Variants in DOK6 observed in about 807,000 individuals in gnomAD.
DOK6 encodes downstream of tyrosine kinase 6.
In DOK6, 22 loss-of-function variants were observed where a neutral mutation model predicts 44.0. The observed-to-expected ratio is 0.50, with a 90% confidence interval of 0.36 to 0.71. The LOEUF is 0.71. Among genes scored for constraint, DOK6 ranks in the 30% least tolerant of loss-of-function variants. The pLI, the probability that DOK6 is intolerant of heterozygous loss-of-function variation, is 0.00. For missense variants in DOK6, 340 were observed against 416.4 expected (o/e 0.82, Z 1.60); for synonymous variants, 166 against 145.5 (o/e 1.14, Z -1.01).
rs916560926 is a variant in DOK6, at chr18:69,845,259, T to G, written c.*3876T>G. ...GCACAATAAATGGGCAGTATACGTC[T>G]AATGGAACTGAGATTTAAGGCTTTA... is the stretch of plus-strand genomic sequence containing the variant. On this transcript the variant is annotated 3_prime_UTR_variant, in exon 8 of 8. Transcript: ENST00000382713. The G allele has an allele frequency of 3.3e-5, 5 of 152,226 alleles. No individual in the cohort carries two copies. The highest frequency in any genetic ancestry group is 1.2e-4 in the African/African-American group (5 of 41,456). 9.4% of individuals were successfully genotyped at this position (152,226 alleles called of 1,614,324 possible).
chr18:69,618,979 C>T (rs1436794261), intron 3 of DOK6, among the ~76,000 whole-genome samples: 1 of 152,040 alleles, frequency 6.6e-6, no homozygotes, highest in Non-Finnish European at 1.5e-5. Context: ...AACACACCCA[C>T]ACAACACAAA....
At position 69,705,494 on chromosome 18, in the gene DOK6, CACTT is replaced by C. The variant is rs555937876; in HGVS notation, c.599+6903_599+6906del. Among the ~76,000 whole-genome samples the C allele has an allele frequency of 3.9e-4, 60 of 152,226 alleles. No individual in the cohort carries two copies. In the East Asian group the frequency reaches 6.4e-3, roughly 16 times the overall value. ...GTCAGGTTTTTGTAGGAGCAGCACT[CACTT>C]AATTAGATAAAAATGACCCAGGGCA... is the stretch of plus-strand genomic sequence containing the variant. On this transcript the variant is annotated intron_variant, in intron 5 of 7. Coordinates refer to ENST00000382713, the MANE Select transcript of DOK6 (RefSeq NM_152721.6).
At chr18:69,402,750 ACGTGCGCTGC>A (rs1236757394) in intron 1 of DOK6, among the ~76,000 whole-genome samples, 21 of 152,248 alleles carry the variant, frequency 1.4e-4, no homozygotes, top group Middle Eastern at 3.2e-3. Context: ...CCTGGAGCCA[ACGTGCGCTGC>A]CGTGAGCCCC....
intron 7 of DOK6, among the ~76,000 whole-genome samples, chr18:69,763,785 C>A (rs1050601568): frequency 6.6e-6 from 1 of 152,118 alleles, no homozygotes; most frequent in Non-Finnish European, 1.5e-5. Context: ...GTGAAGATGA[C>A]AAAAGCATTT....
intron 3 of DOK6, chr18:69,618,760 A>G (rs1984371247): frequency 2.0e-5 from 3 of 152,210 alleles, no homozygotes; most frequent in African/African-American, 7.2e-5. Flanking sequence ...CCCTCCCACA[A>G]CACATGGGAA....
chr18:69,784,055 C>T (rs934632800), intron 7 of DOK6, among the ~76,000 whole-genome samples: 2 of 152,070 alleles, frequency 1.3e-5, no homozygotes, highest in South Asian at 2.1e-4. Flanking sequence ...AGTGTGGCAG[C>T]ATGCACCTGT....
At chr18:69,548,501 T>C (rs2144586373) in intron 1 of DOK6, among the ~76,000 whole-genome samples, 1 of 151,724 alleles carries the variant, frequency 6.6e-6, no homozygotes, top group East Asian at 1.9e-4. Flanking sequence ...CTTACAATTT[T>C]GTACAAAGGA....
At chr18:69,596,165 G>A (rs920489815) in intron 2 of DOK6, among the ~76,000 whole-genome samples, 1 of 152,138 alleles carries the variant, frequency 6.6e-6, no homozygotes, top group African/African-American at 2.4e-5. Context: ...TCTGGATTTA[G>A]AACCAATGTA....
At chr18:69,623,849 T>A (rs1984497860) in intron 3 of DOK6, among the ~76,000 whole-genome samples, 1 of 152,178 alleles carries the variant, frequency 6.6e-6, no homozygotes, top group Non-Finnish European at 1.5e-5. Flanking sequence ...AGGATGTGAA[T>A]TGAGGGAGTA....
intron 2 of DOK6, among the ~76,000 whole-genome samples, chr18:69,577,859 A>C (rs1264177241): frequency 6.6e-6 from 1 of 152,178 alleles, no homozygotes; most frequent in Non-Finnish European, 1.5e-5. Flanking sequence ...TTAAAATTTT[A>C]CAAAATCTTA....
At chr18:69,637,136 C>T (rs557395580) in intron 3 of DOK6, among the ~76,000 whole-genome samples, 2 of 152,378 alleles carry the variant, frequency 1.3e-5, no homozygotes, top group South Asian at 2.1e-4. Flanking sequence ...ACCCTGTGAT[C>T]TGTCTTAACC....
chr18:69,754,182 A>ATGTG (rs1979278938), intron 6 of DOK6, among the ~76,000 whole-genome samples: 3 of 151,964 alleles, frequency 2.0e-5, no homozygotes, highest in Admixed American at 1.3e-4. Flanking sequence ...ATAGTTAAGG[A>ATGTG]TGTGTGTCCT....
chr18:69,645,434 CA>C (rs1985047146), intron 3 of DOK6, among the ~76,000 whole-genome samples: 1 of 152,132 alleles, frequency 6.6e-6, no homozygotes. Flanking sequence ...ATAATACACA[CA>C]GTGAATAAAA....
At chr18:69,512,180 G>C (rs1184251032) in intron 1 of DOK6, among the ~76,000 whole-genome samples, 1 of 147,558 alleles carries the variant, frequency 6.8e-6, no homozygotes, top group Non-Finnish European at 1.5e-5. Context: ...TCCTTGTCTC[G>C]GTACTCCCCC....
intron 1 of DOK6, among the ~76,000 whole-genome samples, chr18:69,435,211 C>T (rs1208257514): frequency 6.6e-6 from 1 of 152,184 alleles, no homozygotes; most frequent in Non-Finnish European, 1.5e-5. Context: ...AGAGTTGTCA[C>T]AAATTGAGGC....
At chr18:69,676,970 GA>G (rs201839983) in intron 3 of DOK6, among the ~76,000 whole-genome samples, 6 of 149,470 alleles carry the variant, frequency 4.0e-5, no homozygotes, top group Non-Finnish European at 5.9e-5. Context: ...GGTAATCATA[GA>G]AAAAAAAAGC....
intron 1 of DOK6, among the ~76,000 whole-genome samples, chr18:69,551,001 G>GT (rs5825953): frequency 2.7e-5 from 4 of 150,118 alleles, no homozygotes; most frequent in African/African-American, 4.9e-5. Context: ...CCAGGCTGGA[G>GT]TTTTTTTTTA....
intron 7 of DOK6, among the ~76,000 whole-genome samples, chr18:69,804,705 A>G (rs1228365117): frequency 6.6e-6 from 1 of 152,210 alleles, no homozygotes; most frequent in African/African-American, 2.4e-5. Flanking sequence ...GGCCAGAATT[A>G]TGCCATAGAG....
chr18:69,653,000 CT>C (rs1349215979), intron 3 of DOK6, among the ~76,000 whole-genome samples: 2 of 152,210 alleles, frequency 1.3e-5, no homozygotes, highest in Non-Finnish European at 2.9e-5. Flanking sequence ...TGGAATTCTA[CT>C]TCTGGCTATG....
Sources: gnomAD v4.1 joint callset for allele counts (sites outside exome capture counted in the v4.1 genomes callset) on GRCh38, gnomAD v4.1.1 for gene constraint, MANE v1.5 for transcripts, NCBI Gene and HGNC (gene_info 2026-07-23, HGNC 2026-07-21) for gene names.